Variants in ARHGEF10 observed in about 807,000 individuals in gnomAD.
ARHGEF10 encodes Rho guanine nucleotide exchange factor (GEF) 10.
ARHGEF10 carries 140 observed loss-of-function variants against 147.4 expected under a neutral mutation model. The ratio of observed to expected loss-of-function variants is 0.95; its 90% CI spans 0.83 to 1.09. The LOEUF is 1.09. ARHGEF10 is among the 50% of genes least tolerant of loss of function. The pLI is 0.00. For missense variants in ARHGEF10, 2,222 were observed against 1,752.7 expected, an observed-to-expected ratio of 1.27 and a Z score of -4.78; for synonymous variants, 902 against 695.8, an observed-to-expected ratio of 1.30 and a Z score of -4.67.
At chr8:1,938,296 G>C (rs1813786697) in intron 26 of ARHGEF10, among the ~76,000 whole-genome samples, 1 of 152,218 alleles carries the variant, frequency 6.6e-6, no homozygotes, top group African/African-American at 2.4e-5. Flanking sequence ...AATCATTCTG[G>C]ATTTCTGGGG....
chr8:1,941,644 C>T (rs911439497), intron 26 of ARHGEF10, among the ~76,000 whole-genome samples: 2 of 151,896 alleles, frequency 1.3e-5, no homozygotes, highest in African/African-American at 4.8e-5. Context: ...TGCAGGGGAT[C>T]CAGAATAGCC....
intron 18 of ARHGEF10, among the ~76,000 whole-genome samples, chr8:1,920,772 T>C (rs987891813): frequency 1.3e-5 from 2 of 150,948 alleles, no homozygotes; most frequent in African/African-American, 4.8e-5. Flanking sequence ...TGGATCAGTT[T>C]GCTCTTTCGT....
At chr8:1,866,494 A>T (rs756073175) in intron 5 of ARHGEF10, 32 bp from the exon 6 acceptor site, 5 of 1,609,518 alleles carry the variant, frequency 3.1e-6, no homozygotes, top group Non-Finnish European at 3.4e-6. Flanking sequence ...CTGTGCCTGG[A>T]TATTCTGACT....
chr8:1,889,560 GTGGAGA>G (rs1398775050), intron 11 of ARHGEF10, among the ~76,000 whole-genome samples: 3 of 106,098 alleles, frequency 2.8e-5, no homozygotes, highest in Admixed American at 9.0e-5. Flanking sequence ...AGGAGTCTGT[GTGGAGA>G]CACTGAGTGG....
At chr8:1,935,968 G>T (rs1585604337) in intron 26 of ARHGEF10, among the ~76,000 whole-genome samples, 1 of 152,246 alleles carries the variant, frequency 6.6e-6, no homozygotes, top group Non-Finnish European at 1.5e-5. Context: ...CGTGTCTGCT[G>T]TTAGTGGCCG....
At chr8:1,832,886 AGGCAGACG>A (rs1803278186) in intron 1 of ARHGEF10, among the ~76,000 whole-genome samples, 1 of 125,844 alleles carries the variant, frequency 7.9e-6, no homozygotes, top group African/African-American at 3.2e-5. Context: ...AGAGAGACAG[AGGCAGACG>A]CAGAGACAGA....
At chr8:1,913,903 G>A (rs1036955057) in intron 18 of ARHGEF10, among the ~76,000 whole-genome samples, 3 of 152,192 alleles carry the variant, frequency 2.0e-5, no homozygotes, top group African/African-American at 7.2e-5. Context: ...ACCGTGAGGA[G>A]GGTGAGAGAC....
chr8:1,824,545 A>G (rs1585182437), intron 1 of ARHGEF10, among the ~76,000 whole-genome samples: 1 of 144,756 alleles, frequency 6.9e-6, no homozygotes, highest in African/African-American at 2.6e-5. Flanking sequence ...TTTCCCCCGC[A>G]CCCTACCTGT....
intron 11 of ARHGEF10, 116 bp from the exon 12 acceptor site, chr8:1,893,453 C>A: frequency 1.4e-6 from 1 of 736,266 alleles, no homozygotes; most frequent in Non-Finnish European, 2.5e-6. Flanking sequence ...TACCCTTGTG[C>A]ACTGTTTTCT....
chr8:1,916,529 T>A (rs1811772409), intron 18 of ARHGEF10, among the ~76,000 whole-genome samples: 1 of 152,220 alleles, frequency 6.6e-6, no homozygotes, highest in Non-Finnish European at 1.5e-5. Context: ...CTCTGTTCAG[T>A]GCTGTGGTTT....
At chr8:1,867,971 G>T (rs1265155346) in intron 6 of ARHGEF10, among the ~76,000 whole-genome samples, 1 of 152,100 alleles carries the variant, frequency 6.6e-6, no homozygotes. Context: ...TTATTGTCTT[G>T]GCTGTTTGCT....
chr8:1,843,476 G>T (rs1259061682), intron 2 of ARHGEF10, 40 bp downstream of exon 2: 2 of 1,477,428 alleles, frequency 1.4e-6, no homozygotes, highest in Admixed American at 3.4e-5. Flanking sequence ...GTCAGGTTGT[G>T]CTGCTGCTCT....
At chr8:1,940,015 C>T (rs918882755) in intron 26 of ARHGEF10, among the ~76,000 whole-genome samples, 2 of 152,106 alleles carry the variant, frequency 1.3e-5, no homozygotes. Context: ...TTGCCAGCAA[C>T]GTAACGGGGT....
intron 18 of ARHGEF10, among the ~76,000 whole-genome samples, chr8:1,918,247 C>G (rs1811906601): frequency 6.6e-6 from 1 of 152,144 alleles, no homozygotes; most frequent in South Asian, 2.1e-4. Context: ...ACATTGTCCC[C>G]ATTCATGAGG....
chr8:1,876,584 T>C lies in ARHGEF10; in HGVS notation c.693T>C (p.Tyr231=), dbSNP rs1017817732. 1 of 1,614,192 alleles carries C rather than the reference T, an allele frequency of 6.2e-7. No homozygotes were observed. Among genetic ancestry groups the C allele is most frequent in the Non-Finnish European group, 8.5e-7 (1 of 1,179,996 alleles). Residue 231 remains tyrosine, a synonymous_variant, in exon 8 of 29, where the codon TAT becomes TAC. Transcript: ENST00000349830. ...TTATGCACTCAGATGAAATGATTTA[T>C]GATGATGTTGAGAATGGGGATGAAG... ...NSDSEPDEMI[Y]DDVENGDEGG...
Position 1,937,108 on chromosome 8 carries a change from A to T in ARHGEF10, c.3222+3166A>T, listed in dbSNP as rs1813679349. Among the ~76,000 whole-genome samples, 1 of 152,186 alleles carries T rather than the reference A, an allele frequency of 6.6e-6. No homozygotes were observed. Among genetic ancestry groups the T allele is most frequent in the Admixed American group, 6.5e-5 (1 of 15,282 alleles). On this transcript the variant is annotated intron_variant, in intron 26 of 28. Coordinates refer to ENST00000349830, the MANE Select transcript of ARHGEF10 (RefSeq NM_014629.4). The surrounding 1 kb of genome is among the most constrained non-coding windows in gnomAD (Gnocchi z 4.9). Reference sequence around the variant, plus strand: ...TTCGAGACCTGGTCTGCTAGACAGGAACAGAAAATAGCTGGACAGGGAGGT... The same window carrying T: ...TTCGAGACCTGGTCTGCTAGACAGGTACAGAAAATAGCTGGACAGGGAGGT...
chr8:1,892,321 G>GTGTGTT (rs1563244731), intron 11 of ARHGEF10, among the ~76,000 whole-genome samples: 2 of 142,168 alleles, frequency 1.4e-5, no homozygotes, highest in African/African-American at 5.1e-5. Context: ...GTGTGTGTGT[G>GTGTGTT]TGTGTGTTTA....
At chr8:1,908,559 T>C (rs1811100707) in intron 17 of ARHGEF10, among the ~76,000 whole-genome samples, 1 of 152,140 alleles carries the variant, frequency 6.6e-6, no homozygotes, top group Non-Finnish European at 1.5e-5. Flanking sequence ...CGGCAATATC[T>C]TGAAGAAAAG....
chr8:1,923,923 A>C (rs1227906048), intron 21 of ARHGEF10, 49 bp downstream of exon 21: 1 of 1,556,370 alleles, frequency 6.4e-7, no homozygotes, highest in East Asian at 2.2e-5. Context: ...CGTGATGATG[A>C]ATTCCTGCCC....
Sources: gnomAD v4.1 joint callset for allele counts (sites outside exome capture counted in the v4.1 genomes callset) on GRCh38, gnomAD v4.1.1 for gene constraint, Gnocchi (gnomAD v3.1) non-coding constraint, MANE v1.5 for transcripts, NCBI Gene and HGNC (gene_info 2026-07-23, HGNC 2026-07-21) for gene names.